Variants in LRRC51 observed in about 807,000 individuals in gnomAD.
LRRC51 encodes the protein leucine rich repeat containing 51.
Under a neutral mutation model 17.8 loss-of-function variants are expected in LRRC51, and 8 were observed. The observed-to-expected ratio is 0.45, with a 90% CI of 0.26 to 0.81. The LOEUF (loss-of-function observed/expected upper bound fraction) is 0.81, where lower values mean the gene tolerates loss of function less well. LRRC51 is among the 30% of genes least tolerant of loss of function. The pLI, the probability that LRRC51 is intolerant of heterozygous loss-of-function variation, is 0.17. For missense variants in LRRC51, 233 were observed against 239.3 expected (o/e 0.97, Z 0.17); for synonymous variants, 92 against 96.0 (o/e 0.96, Z 0.24).
chr11:72,082,194 A>T (rs1039370821), intron 1 of LRRC51, among the ~76,000 whole-genome samples: 1 of 152,246 alleles, frequency 6.6e-6, no homozygotes, highest in Non-Finnish European at 1.5e-5. Context: ...AACTAGAGAG[A>T]CTAAGACAAT....
chr11:72,091,924 A>G (rs1453722243), intron 3 of LRRC51, among the ~76,000 whole-genome samples: 1 of 152,200 alleles, frequency 6.6e-6, no homozygotes, highest in African/African-American at 2.4e-5. Flanking sequence ...TTCTGCCTCC[A>G]GGCCCTTGCC....
chr11:72,091,833 G>C (rs955017062), intron 3 of LRRC51, among the ~76,000 whole-genome samples: 1 of 152,156 alleles, frequency 6.6e-6, no homozygotes, highest in Non-Finnish European at 1.5e-5. Flanking sequence ...CAATCCTCCT[G>C]TCTTGGCCTC....
At chr11:72,089,645 T>C in intron 3 of LRRC51, 3 of 1,131,938 alleles carry the variant, frequency 2.7e-6, no homozygotes, top group Non-Finnish European at 3.3e-6. Context: ...CTAATCTGAC[T>C]GGCCAAACAT....
intron 1 of LRRC51, chr11:72,086,390 C>CTGAAT (rs1204176816): frequency 4.3e-6 from 3 of 701,670 alleles, no homozygotes; most frequent in South Asian, 1.5e-5. Context: ...CAAATGTTTG[C>CTGAAT]TGAATTGAAT....
chr11:72,082,244 C>A (rs1196942736), intron 1 of LRRC51, among the ~76,000 whole-genome samples: 1 of 152,232 alleles, frequency 6.6e-6, no homozygotes, highest in Non-Finnish European at 1.5e-5. Flanking sequence ...AACAGAAGGG[C>A]TAACACAGCA....
At position 72,092,539 on chromosome 11, in the gene LRRC51, A is replaced by G. The variant is rs573508485; in HGVS notation, c.83-957A>G. ...AAGAGTGATCTTTCTGAAATAAAAG[A>G]TTTGAATCATTTGCTTTAAACACTC... is the stretch of plus-strand genomic sequence containing the variant. On this transcript the variant is annotated intron_variant, in intron 3 of 5. Transcript: ENST00000289488. Among the ~76,000 whole-genome samples, 4 of 152,330 alleles carry G rather than the reference A, an allele frequency of 2.6e-5. No individual in the cohort carries two copies. The East Asian group carries it at 7.7e-4, about 29-fold the overall frequency.
rs576468595 is a variant in LRRC51 at position 72,089,433 on chromosome 11, CAG to C, written c.82+269_82+270del. ...TTTAAGCAGCAAATCTGAAAGGAAA[CAG>C]GGGGCTATCACAGTAGTTGATCATC... On this transcript the variant is annotated intron_variant, in intron 3 of 5. Transcript: ENST00000289488. The C allele has an allele frequency of 4.7e-4, 660 of 1,390,284 alleles. 5 individuals carry two copies. The highest frequency in any genetic ancestry group is 3.6e-3 in the African/African-American group (249 of 69,028). 86.1% of individuals were successfully genotyped at this position (1,390,284 alleles called of 1,614,324 possible). A position where few individuals can be genotyped will look rare whatever the true frequency, so the allele number is the denominator to read the frequency against.
At chr11:72,082,692 T>C (rs143482290) in intron 1 of LRRC51, among the ~76,000 whole-genome samples, 2 of 152,284 alleles carry the variant, frequency 1.3e-5, no homozygotes, top group Non-Finnish European at 2.9e-5. Context: ...ACCTCTTCCA[T>C]TTCCCATCTA....
chr11:72,095,336 T>A, intron 5 of LRRC51, 43 bp from the exon 6 acceptor site: 1 of 1,613,114 alleles, frequency 6.2e-7, no homozygotes, highest in Middle Eastern at 1.9e-4. Flanking sequence ...GGGAAGGGGA[T>A]TCTGGTGGGG....
At chr11:72,091,368 C>T (rs1944848856) in intron 3 of LRRC51, among the ~76,000 whole-genome samples, 1 of 152,072 alleles carries the variant, frequency 6.6e-6, no homozygotes, top group African/African-American at 2.4e-5. Context: ...GTTCCAGTAC[C>T]CTCCTGCAAC....
chr11:72,083,708 A>G (rs1235506275), intron 1 of LRRC51: 1 of 152,200 alleles, frequency 6.6e-6, no homozygotes, highest in Non-Finnish European at 1.5e-5. Context: ...GACTTCTCAG[A>G]AAAGTTGAAA....
chr11:72,092,007 C>T (rs1339625397), intron 3 of LRRC51, among the ~76,000 whole-genome samples: 6 of 152,178 alleles, frequency 3.9e-5, no homozygotes, highest in South Asian at 2.1e-4. Flanking sequence ...CAGTCCTTAC[C>T]TCCCTGGAAC....
chr11:72,082,790 A>G (rs1043537319), intron 1 of LRRC51, among the ~76,000 whole-genome samples: 1 of 152,038 alleles, frequency 6.6e-6, no homozygotes, highest in Non-Finnish European at 1.5e-5. Context: ...CCTCCCAGCC[A>G]TATTTGCGCA....
chr11:72,093,608 A>T lies in LRRC51; in HGVS notation c.195A>T (p.Arg65Ser). The T allele has an allele frequency of 6.2e-7, 1 of 1,614,246 alleles. No homozygotes were observed. The highest frequency in any genetic ancestry group is 1.1e-5 in the South Asian group (1 of 91,090). ...WLNNNVLNDL[R>S]DFNQVASQLL... Reference sequence around the variant, plus strand: ...ATAACAATGTTCTCAATGATCTGAGAGACTTCAACCAGGTGGCTTCACAGC... The same window carrying T: ...ATAACAATGTTCTCAATGATCTGAGTGACTTCAACCAGGTGGCTTCACAGC... The change falls in exon 4 of 6, where the codon AGA becomes AGT. Residue 65 changes from arginine to serine, a missense_variant. Coordinates refer to ENST00000289488, the MANE Select transcript of LRRC51 (RefSeq NM_145309.6).
At chr11:72,094,808 C>G in intron 4 of LRRC51, 140 bp from the exon 5 acceptor site, 1 of 1,490,626 alleles carries the variant, frequency 6.7e-7, no homozygotes, top group Non-Finnish European at 9.4e-7. Flanking sequence ...AGGTTACAGT[C>G]ATACAGTATG....
intron 3 of LRRC51, among the ~76,000 whole-genome samples, chr11:72,091,486 G>A (rs191156342): frequency 2.0e-3 from 300 of 152,200 alleles, no homozygotes; most frequent in African/African-American, 6.9e-3. Context: ...GGGGTGGAAG[G>A]GCAAAGGGTG....
At chr11:72,091,647 G>A (rs575350642) in intron 3 of LRRC51, among the ~76,000 whole-genome samples, 30 of 152,300 alleles carry the variant, frequency 2.0e-4, no homozygotes, top group African/African-American at 7.2e-4. Context: ...GTGAGGCTTT[G>A]GGGTGTTCCA....
At chr11:72,082,258 A>G (rs909364925) in intron 1 of LRRC51, among the ~76,000 whole-genome samples, 1 of 152,220 alleles carries the variant, frequency 6.6e-6, no homozygotes, top group African/African-American at 2.4e-5. Context: ...CACAGCACCC[A>G]TGTCTGAAGT....
Position 72,095,084 on chromosome 11 carries a change from A to T in LRRC51, c.425A>T (p.Glu142Val), listed in dbSNP as rs753369504. The change falls in exon 5 of 6, where the codon GAG becomes GTG. Residue 142 changes from glutamate to valine, a missense_variant. Coordinates refer to ENST00000289488, the MANE Select transcript of LRRC51 (RefSeq NM_145309.6). ...LTLHGNPMEE[E>V]KGYRQYVLCT... ...CTCCATGGGAACCCCATGGAGGAAG[A>T]GAAAGGGTATAGGTAAGTGCCCTGC... 8 of 1,614,042 alleles carry T rather than the reference A, an allele frequency of 5.0e-6. No individual in the cohort carries two copies. The Admixed American group carries it at 1.3e-4, about 27-fold the overall frequency.
Sources: allele counts gnomAD v4.1 joint callset (sites outside exome capture counted in the v4.1 genomes callset), GRCh38; gene constraint gnomAD v4.1.1; transcripts MANE v1.5; gene names NCBI Gene and HGNC (gene_info 2026-07-23, HGNC 2026-07-21).